The following HMGA2 variants were observed in gnomAD, a reference collection of about 807,000 sequenced individuals.
HMGA2 encodes the protein high mobility group protein HMGI-C.
In HMGA2, 8 loss-of-function variants were observed where a neutral mutation model predicts 19.1. The ratio of observed to expected loss-of-function variants is 0.42; its 90% CI spans 0.25 to 0.76. The LOEUF (loss-of-function observed/expected upper bound fraction) is 0.76, where lower values mean the gene tolerates loss of function less well. HMGA2 is among the 30% of genes least tolerant of loss of function. HMGA2 has a pLI of 0.28. For synonymous variants in HMGA2, 60 were observed against 48.8 expected, an observed-to-expected ratio of 1.23 and a Z score of -0.96; for missense variants, 109 against 136.3, an observed-to-expected ratio of 0.80 and a Z score of 1.00.
intron 3 of HMGA2, among the ~76,000 whole-genome samples, chr12:65,846,503 A>G (rs955615899): frequency 6.6e-6 from 1 of 152,234 alleles, no homozygotes; most frequent in African/African-American, 2.4e-5. Flanking sequence ...GTGTTATCAC[A>G]TTGTACTGTA....
chr12:65,932,436 A>G (rs959533775), intron 3 of HMGA2, among the ~76,000 whole-genome samples: 11 of 152,122 alleles, frequency 7.2e-5, no homozygotes, highest in Admixed American at 2.6e-4. Context: ...TTCCTTTCTC[A>G]TTTCTTGAAT....
At chr12:65,855,452 T>TCACACACACA (rs1259566976) in intron 3 of HMGA2, among the ~76,000 whole-genome samples, 2 of 107,140 alleles carry the variant, frequency 1.9e-5, no homozygotes, top group African/African-American at 7.2e-5. Flanking sequence ...TCTCTCTCTC[T>TCACACACACA]CTCTCTCACA....
intron 3 of HMGA2, among the ~76,000 whole-genome samples, chr12:65,921,849 C>T (rs1875325711): frequency 2.6e-5 from 4 of 152,232 alleles, no homozygotes; most frequent in Non-Finnish European, 4.4e-5. Flanking sequence ...ACTTGGTGCC[C>T]TGTGTCCCAG....
intron 2 of HMGA2, among the ~76,000 whole-genome samples, chr12:65,829,527 C>T (rs1870382558): frequency 6.6e-6 from 1 of 151,872 alleles, no homozygotes; most frequent in Non-Finnish European, 1.5e-5. Flanking sequence ...TACTTTTATT[C>T]TAAGGAGATG....
chr12:65,933,871 A>G (rs1486196110), intron 3 of HMGA2, among the ~76,000 whole-genome samples: 4 of 152,194 alleles, frequency 2.6e-5, no homozygotes, highest in Non-Finnish European at 4.4e-5. Context: ...AACAAACACC[A>G]TAATAGAGTG....
intron 3 of HMGA2, among the ~76,000 whole-genome samples, chr12:65,850,268 A>T (rs898984607): frequency 1.3e-5 from 2 of 152,172 alleles, no homozygotes; most frequent in African/African-American, 4.8e-5. Context: ...ATCCTTTTCA[A>T]CTGTTAAGAC....
intron 3 of HMGA2, among the ~76,000 whole-genome samples, chr12:65,841,241 T>G (rs1219020893): frequency 6.6e-6 from 1 of 152,156 alleles, no homozygotes; most frequent in Non-Finnish European, 1.5e-5. Context: ...GAAGCACATG[T>G]GAGGCCCCCA....
intron 3 of HMGA2, among the ~76,000 whole-genome samples, chr12:65,873,066 G>A (rs1425799591): frequency 1.3e-5 from 2 of 152,116 alleles, no homozygotes; most frequent in Non-Finnish European, 2.9e-5. Context: ...CGGTGCCCCC[G>A]CCAACCTCTC....
chr12:65,917,646 AAAG>A (rs1366766720), intron 3 of HMGA2, among the ~76,000 whole-genome samples: 32 of 152,164 alleles, frequency 2.1e-4, no homozygotes, highest in African/African-American at 7.7e-4. Flanking sequence ...GAATTGAGAA[AAAG>A]AAGGACAAGG....
intron 3 of HMGA2, chr12:65,856,288 G>C (rs182386934): frequency 1.5e-4 from 23 of 152,298 alleles, no homozygotes; most frequent in Admixed American, 1.4e-3. Flanking sequence ...TGGTCTGTGT[G>C]GTCCTTGGTC....
rs143246915 is a variant in HMGA2, at chr12:65,870,162, G to C, written c.249+31593G>C. Among the ~76,000 whole-genome samples the C allele has an allele frequency of 1.5e-3, 235 of 152,222 alleles. 7 individuals carry two copies. In the East Asian group the frequency reaches 0.034, roughly 22 times the overall value. On this transcript the variant is annotated intron_variant, in intron 3 of 4. Coordinates refer to ENST00000403681, the MANE Select transcript of HMGA2 (RefSeq NM_003483.6). ...CTTAGCTTTAAGACCTTTCAGTCTA[G>C]GGGTAGATATGCATGTGCATACAAC...
chr12:65,956,737 T>A (rs1395984160), intron 4 of HMGA2: 1 of 152,136 alleles, frequency 6.6e-6, no homozygotes, highest in East Asian at 1.9e-4. Flanking sequence ...TGTTTCTGTG[T>A]GGGGAAGTCT....
chr12:65,858,503 T>C (rs1871865101), intron 3 of HMGA2: 1 of 152,166 alleles, frequency 6.6e-6, no homozygotes, highest in Non-Finnish European at 1.5e-5. Context: ...ATAATTTTTC[T>C]TTTAGAATGA....
At chr12:65,916,157 C>T (rs75495389) in intron 3 of HMGA2, among the ~76,000 whole-genome samples, 3,501 of 152,294 alleles carry the variant, frequency 0.023, 82 homozygotes, top group Non-Finnish European at 0.032. Flanking sequence ...TTACATTTTC[C>T]AGGGCTCAAC....
rs574754971 is a variant in HMGA2 at position 65,910,775 on chromosome 12, T to A, written c.250-40608T>A. Among the ~76,000 whole-genome samples, 3 of 152,298 alleles carry A rather than the reference T, an allele frequency of 2.0e-5. No individual in the cohort carries two copies. In the South Asian group the frequency reaches 6.2e-4, roughly 32 times the overall value. On this transcript the variant is annotated intron_variant, in intron 3 of 4. Transcript: ENST00000403681. Reference sequence around the variant, plus strand: ...GAAACTGAAATGCACATATCCATAGTTTTCTTTTGGTTTCTTATATGTGTC... The same window carrying A: ...GAAACTGAAATGCACATATCCATAGATTTCTTTTGGTTTCTTATATGTGTC...
intron 3 of HMGA2, chr12:65,855,896 T>G (rs1386850813): frequency 6.6e-6 from 1 of 152,104 alleles, no homozygotes; most frequent in Non-Finnish European, 1.5e-5. Flanking sequence ...TTCTTTTTTT[T>G]TTTTTGGACT....
At chr12:65,828,936 A>G (rs901203895) in intron 2 of HMGA2, 1 of 152,190 alleles carries the variant, frequency 6.6e-6, no homozygotes, top group Non-Finnish European at 1.5e-5. Flanking sequence ...GAGAAGTACC[A>G]GTCACTTTTT....
chr12:65,846,868 G>C (rs917312860), intron 3 of HMGA2, among the ~76,000 whole-genome samples: 5 of 152,136 alleles, frequency 3.3e-5, no homozygotes, highest in African/African-American at 1.2e-4. Flanking sequence ...GCTCTAAAGA[G>C]ATAACCTGAT....
At chr12:65,870,508 A>G (rs551938732) in intron 3 of HMGA2, among the ~76,000 whole-genome samples, 1 of 152,174 alleles carries the variant, frequency 6.6e-6, no homozygotes, top group South Asian at 2.1e-4. Context: ...AGGCAGGCAG[A>G]TCACCTTAGG....
Sources: allele counts gnomAD v4.1 joint callset (sites outside exome capture counted in the v4.1 genomes callset), GRCh38; gene constraint gnomAD v4.1.1; transcripts MANE v1.5; gene names NCBI Gene and HGNC (gene_info 2026-07-23, HGNC 2026-07-21).